SLC5A1: variants seen among roughly 807,000 people sequenced by gnomAD.
The protein encoded by SLC5A1 is solute carrier family 5 member 1, also known as sodium/glucose cotransporter 1.
Under a neutral mutation model 73.5 loss-of-function variants are expected in SLC5A1, and 42 were observed. The observed-to-expected ratio is 0.57, with a 90% CI of 0.45 to 0.74. The LOEUF (loss-of-function observed/expected upper bound fraction) is 0.74. Among genes scored for constraint, SLC5A1 ranks in the 30% least tolerant of loss-of-function variants. The pLI is 0.00. For synonymous variants in SLC5A1, 300 were observed against 317.4 expected (o/e 0.95, Z 0.58); for missense variants, 634 against 855.4 (o/e 0.74, Z 3.23).
chr22:32,054,034 G>A lies in SLC5A1; in HGVS notation c.207+4020G>A, dbSNP rs542585584. ...CTAAAAATACCAAAATTAGCTGGGC[G>A]TGGTGGCAGGTGCCTGTAATCCCAG... On this transcript the variant is annotated intron_variant, in intron 2 of 14. Coordinates refer to ENST00000266088, the MANE Select transcript of SLC5A1 (RefSeq NM_000343.4). Among the ~76,000 whole-genome samples, 10 of 152,196 alleles carry A rather than the reference G, an allele frequency of 6.6e-5. No homozygotes were observed. The South Asian group carries it at 1.7e-3, about 25-fold the overall frequency.
intron 5 of SLC5A1, among the ~76,000 whole-genome samples, chr22:32,081,399 CT>C (rs1470428306): frequency 6.6e-6 from 1 of 152,088 alleles, no homozygotes; most frequent in Non-Finnish European, 1.5e-5. Flanking sequence ...CTCCCCGCTC[CT>C]GGGTGGGGGT....
In SLC5A1 at chr22:32,112,326, A is replaced by G. The variant is rs572884319; in HGVS notation, c.*2113A>G. The G allele has an allele frequency of 6.6e-6, 1 of 152,200 alleles. No homozygotes were observed. The highest frequency in any genetic ancestry group is 6.5e-5 in the Admixed American group (1 of 15,292). 9.4% of individuals were successfully genotyped at this position (152,200 alleles called of 1,614,324 possible). A position where few individuals can be genotyped will look rare whatever the true frequency, so the allele number is the denominator to read the frequency against. ...AGGAGGGACTGTCAACCCCTACACC[A>G]TGACCACCAAGTTCCTCACCTTGGC... is the stretch of plus-strand genomic sequence containing the variant. On this transcript the variant is annotated 3_prime_UTR_variant, in exon 15 of 15. Coordinates refer to ENST00000266088, the MANE Select transcript of SLC5A1 (RefSeq NM_000343.4).
intron 11 of SLC5A1, among the ~76,000 whole-genome samples, chr22:32,097,237 C>CA (rs1456752868): frequency 6.6e-6 from 1 of 152,132 alleles, no homozygotes; most frequent in Non-Finnish European, 1.5e-5. Flanking sequence ...ACTGTAAGAT[C>CA]AACCAGGAGC....
intron 5 of SLC5A1, 47 bp downstream of exon 5, chr22:32,068,647 T>G (rs755299100): frequency 7.9e-7 from 1 of 1,267,746 alleles, no homozygotes; most frequent in East Asian, 2.3e-5. Flanking sequence ...AAGCTGCCAC[T>G]CTCATTCCTC....
Position 32,104,421 on chromosome 22 carries a change from T to TA in SLC5A1, c.1666-364dup, listed in dbSNP as rs1280046609. ...GTGACATAGTGCAAAAATCTGAACT[T>TA]ACACTCCTAACCTGGACAAATGGTT... On this transcript the variant is annotated intron_variant, in intron 13 of 14. Coordinates refer to ENST00000266088, the MANE Select transcript of SLC5A1 (RefSeq NM_000343.4). Among the ~76,000 whole-genome samples the TA allele has an allele frequency of 7.2e-5, 11 of 152,344 alleles. No homozygotes were observed. In the East Asian group the frequency reaches 2.1e-3, roughly 29 times the overall value.
rs914700498 is a variant in SLC5A1 at position 32,111,753 on chromosome 22, CAGCAAATACA to C, written c.*1547_*1556del. The C allele has an allele frequency of 2.6e-5, 4 of 152,166 alleles. No homozygotes were observed. The highest frequency in any genetic ancestry group is 7.2e-5 in the African/African-American group (3 of 41,436). 9.4% of individuals were successfully genotyped at this position (152,166 alleles called of 1,614,324 possible). A position where few individuals can be genotyped will look rare whatever the true frequency, so the allele number is the denominator to read the frequency against. On this transcript the variant is annotated 3_prime_UTR_variant, in exon 15 of 15. Transcript: ENST00000266088. ...CCTTGACTCTGGTACTATAGCATGT[CAGCAAATACA>C]AGCAAAGCCCAACACTCTGATTTGC... is the stretch of plus-strand genomic sequence containing the variant.
At chr22:32,104,947 A>T in intron 14 of SLC5A1, 56 bp downstream of exon 14, 1 of 1,212,600 alleles carries the variant, frequency 8.2e-7, no homozygotes, top group Non-Finnish European at 1.2e-6. Flanking sequence ...TACAACAACA[A>T]GACTTTACTG....
chr22:32,110,225 TGCTGTAGATTTACCATG>T lies in SLC5A1; in HGVS notation c.*17_*33del, dbSNP rs1285984141. The stretch of plus-strand genomic sequence containing the variant: ...CATATTTTGCCTGAGTCCTACCTTT[TGCTGTAGATTTACCATG>T]GCTGGACTCTTACTCACCTTCCTTT... On this transcript the variant is annotated 3_prime_UTR_variant, in exon 15 of 15. Coordinates refer to ENST00000266088, the MANE Select transcript of SLC5A1 (RefSeq NM_000343.4). 10 of 1,579,228 alleles carry T rather than the reference TGCTGTAGATTTACCATG, an allele frequency of 6.3e-6. No homozygotes were observed. The highest frequency in any genetic ancestry group is 8.7e-6 in the Non-Finnish European group (10 of 1,148,980).
chr22:32,077,088 A>G (rs539212225), intron 5 of SLC5A1, among the ~76,000 whole-genome samples: 2 of 152,206 alleles, frequency 1.3e-5, no homozygotes, highest in Non-Finnish European at 2.9e-5. Flanking sequence ...GGCCCTTTAC[A>G]GAGAAAGTTT....
intron 5 of SLC5A1, among the ~76,000 whole-genome samples, chr22:32,079,190 A>C (rs903628567): frequency 6.6e-6 from 1 of 152,202 alleles, no homozygotes; most frequent in African/African-American, 2.4e-5. Flanking sequence ...AGGAAGGACC[A>C]AAGACTAATG....
chr22:32,049,714 CTA>C (rs1199040367), intron 1 of SLC5A1, among the ~76,000 whole-genome samples: 6 of 152,022 alleles, frequency 3.9e-5, no homozygotes, highest in African/African-American at 1.4e-4. Context: ...CGCACTAGCC[CTA>C]CAGTAAGCTG....
rs745584814 is a variant in SLC5A1, at chr22:32,104,868, G to A, written c.1748G>A (p.Gly583Asp). The A allele has an allele frequency of 1.2e-6, 2 of 1,613,586 alleles. No individual in the cohort carries two copies. Among genetic ancestry groups the A allele is most frequent in the African/African-American group, 1.3e-5 (1 of 74,908 alleles). Residue 583 changes from glycine to aspartate, a missense_variant, in exon 14 of 15, where the codon GGC becomes GAC. Gly to Asp is a moderately conservative substitution (Grantham distance 94). Coordinates refer to ENST00000266088, the MANE Select transcript of SLC5A1 (RefSeq NM_000343.4). Reference sequence around the variant, plus strand: ...GCGGAAGAGGAGAACATCCAAGAAGGCCCTAAGGAGACCATTGAAATAGGT... The same window carrying A: ...GCGGAAGAGGAGAACATCCAAGAAGACCCTAAGGAGACCATTGAAATAGGT... ...LDAEEENIQE[G>D]PKETIEIETQ...
At chr22:32,086,058 G>A (rs534367571) in intron 9 of SLC5A1, among the ~76,000 whole-genome samples, 162 bp from the exon 10 acceptor site, 2 of 151,886 alleles carry the variant, frequency 1.3e-5, no homozygotes, top group East Asian at 1.9e-4. Context: ...GGAGAATGGC[G>A]TGAACCCGGG....
At chr22:32,108,820 C>A (rs2094050975) in intron 14 of SLC5A1, among the ~76,000 whole-genome samples, 1 of 152,126 alleles carries the variant, frequency 6.6e-6, no homozygotes, top group African/African-American at 2.4e-5. Context: ...CCAATTCTGA[C>A]TCGTGTGAAC....
chr22:32,080,769 G>A (rs1403183632), intron 5 of SLC5A1, among the ~76,000 whole-genome samples: 1 of 152,210 alleles, frequency 6.6e-6, no homozygotes, highest in Non-Finnish European at 1.5e-5. Context: ...TCCAAGGCAG[G>A]CAGATCACGA....
At chr22:32,060,867 C>T (rs1433936784) in intron 2 of SLC5A1, among the ~76,000 whole-genome samples, 1 of 152,084 alleles carries the variant, frequency 6.6e-6, no homozygotes. Flanking sequence ...ACCACACCAC[C>T]AGGCCAGATT....
chr22:32,057,907 C>CTGA (rs1382988524), intron 2 of SLC5A1, among the ~76,000 whole-genome samples: 4 of 152,186 alleles, frequency 2.6e-5, no homozygotes, highest in Non-Finnish European at 5.9e-5. Context: ...TTTCAGTCCT[C>CTGA]AGGCTCTGCT....
At chr22:32,072,189 T>C (rs1047138771) in intron 5 of SLC5A1, among the ~76,000 whole-genome samples, 2 of 152,002 alleles carry the variant, frequency 1.3e-5, no homozygotes, top group African/African-American at 2.4e-5. Flanking sequence ...TACCTGATAG[T>C]TTTTTGTTCC....
chr22:32,104,309 T>C (rs774996376), intron 13 of SLC5A1, among the ~76,000 whole-genome samples: 7 of 152,256 alleles, frequency 4.6e-5, no homozygotes, highest in Non-Finnish European at 8.8e-5. Context: ...ATTTGGTTCA[T>C]GCTCTTGACT....
Sources: allele counts gnomAD v4.1 joint callset (sites outside exome capture counted in the v4.1 genomes callset), GRCh38; gene constraint gnomAD v4.1.1; transcripts MANE v1.5; gene names NCBI Gene and HGNC (gene_info 2026-07-23, HGNC 2026-07-21).